Variants in MYO3B observed in about 807,000 individuals in gnomAD.
MYO3B encodes myosin IIIB.
Under a neutral mutation model 174.6 loss-of-function variants are expected in MYO3B, and 156 were observed. The observed-to-expected ratio is 0.89, with a 90% confidence interval of 0.78 to 1.02. The LOEUF (loss-of-function observed/expected upper bound fraction) is 1.02. Ranked by LOEUF, MYO3B falls within the 50% of genes least tolerant of loss-of-function variation. The pLI is 0.00. For synonymous variants in MYO3B, 563 were observed against 569.1 expected, an observed-to-expected ratio of 0.99 and a Z score of 0.15; for missense variants, 1,632 against 1,639.4, an observed-to-expected ratio of 1.00 and a Z score of 0.08.
chr2:170,498,687 TA>T lies in MYO3B; in HGVS notation c.3111del (p.Leu1038TrpfsTer16). 6.2e-7 allele frequency: 1 copy of T among 1,606,444 alleles called. No individual in the cohort carries two copies. The highest frequency in any genetic ancestry group is 8.5e-7 in the Non-Finnish European group (1 of 1,173,114). The stretch of plus-strand genomic sequence containing the variant: ...GAAAAGTCCAGATTAGATCACTGGG[TA>T]CTGGGAAAAACAAAGGTAGTTCGTT... The part of the protein sequence containing the change: ...ILEKSRLDHW[V>X]LGKTKVFLKY... On this transcript the variant is annotated frameshift_variant, in exon 26 of 35. Transcript: ENST00000408978. LOFTEE classifies it high-confidence loss of function.
chr2:170,401,593 G>A lies in MYO3B; in HGVS notation c.2031G>A (p.Ala677=), dbSNP rs376169390. Residue 677 remains alanine (A), a synonymous_variant, in exon 18 of 35, where the codon GCG becomes GCA. Transcript: ENST00000408978. ...GTGCCAACACTGTAGACAGGGCTGC[G>A]GACGTTCGAGACGCCATGTCCAAAG... ...IIRANTVDRA[A]DVRDAMSKAL... 2.0e-5 allele frequency: 32 copies of A among 1,614,098 alleles called. No individual in the cohort carries two copies. The highest frequency in any genetic ancestry group is 3.3e-5 in the Admixed American group (2 of 60,018).
chr2:170,644,778 G>A (rs1351788290), intron 32 of MYO3B: 2 of 152,386 alleles, frequency 1.3e-5, no homozygotes, highest in East Asian at 3.9e-4. Context: ...CAGTGTGACA[G>A]TTTGGGATTA....
chr2:170,459,981 C>G (rs1391879662), intron 23 of MYO3B, among the ~76,000 whole-genome samples: 1 of 152,096 alleles, frequency 6.6e-6, no homozygotes, highest in African/African-American at 2.4e-5. Context: ...GGACGCGCAG[C>G]CCTGGTTCCC....
At chr2:170,563,123 C>T (rs1575169604) in intron 32 of MYO3B, among the ~76,000 whole-genome samples, 1 of 115,700 alleles carries the variant, frequency 8.6e-6, no homozygotes, top group South Asian at 2.6e-4. Context: ...CACACATACA[C>T]ACACACACAC....
rs768225710 is a variant in MYO3B, at chr2:170,368,738, A to G, written c.816-484A>G. Among the ~76,000 whole-genome samples the G allele has an allele frequency of 2.0e-5, 3 of 152,254 alleles. No homozygotes were observed. The South Asian group carries it at 6.2e-4, about 32-fold the overall frequency. On this transcript the variant is annotated intron_variant, in intron 8 of 34. Transcript: ENST00000408978. ...CCAGCGTTTCTGTGAAGGTTTCTTT[A>G]TGATTAGTTTTTTTCCTTTTAACAC...
Position 170,200,212 on chromosome 2 carries a change from T to A in MYO3B, c.249T>A (p.Asn83Lys). 6.2e-7 allele frequency: 1 copy of A among 1,613,608 alleles called. No individual in the cohort carries two copies. The highest frequency in any genetic ancestry group is 1.1e-5 in the South Asian group (1 of 91,040). The change falls in exon 3 of 35, where the codon AAT (asparagine) becomes AAA (lysine). Residue 83 changes from asparagine to lysine, a missense_variant. Coordinates refer to ENST00000408978, the MANE Select transcript of MYO3B (RefSeq NM_138995.5). ...TGCAGTTCCTTCCTAATCATCCCAA[T>A]GTTGTAAAGTTTTATGGGATGTTTT... ...NILQFLPNHPNVVKFYGMFYK... is the reference protein window; with the variant it reads ...NILQFLPNHPKVVKFYGMFYK...
At chr2:170,218,825 A>G (rs1167087155) in intron 6 of MYO3B, among the ~76,000 whole-genome samples, 2 of 151,946 alleles carry the variant, frequency 1.3e-5, no homozygotes, top group African/African-American at 2.4e-5. Context: ...TCACTGAAAC[A>G]AAACCAAAAA....
intron 7 of MYO3B, among the ~76,000 whole-genome samples, chr2:170,245,476 T>A (rs183185702): frequency 7.9e-5 from 12 of 152,138 alleles, no homozygotes; most frequent in East Asian, 1.9e-4. Flanking sequence ...TCCTTCTGAG[T>A]GCCAGACCAA....
chr2:170,373,553 T>G (rs2094264021), intron 9 of MYO3B, among the ~76,000 whole-genome samples: 3 of 152,274 alleles, frequency 2.0e-5, no homozygotes, highest in African/African-American at 7.2e-5. Flanking sequence ...GTTGGTAGTT[T>G]GAGCAGGATG....
intron 7 of MYO3B, chr2:170,334,303 AGT>A (rs1213426658): frequency 6.6e-6 from 1 of 152,258 alleles, no homozygotes; most frequent in Non-Finnish European, 1.5e-5. Flanking sequence ...TTACGGCAGC[AGT>A]ATGCTGAAAT....
chr2:170,336,907 A>C (rs890926105), intron 8 of MYO3B, among the ~76,000 whole-genome samples: 3 of 151,914 alleles, frequency 2.0e-5, no homozygotes, highest in African/African-American at 7.3e-5. Flanking sequence ...CATGTTCCTC[A>C]GGAAAGGGGA....
intron 7 of MYO3B, among the ~76,000 whole-genome samples, chr2:170,251,398 T>G (rs2093252128): frequency 1.3e-5 from 2 of 151,938 alleles, no homozygotes. Flanking sequence ...AGGAAAATGG[T>G]TTTTATAGGT....
At chr2:170,408,253 T>G (rs1440747120) in intron 22 of MYO3B, among the ~76,000 whole-genome samples, 2 of 152,214 alleles carry the variant, frequency 1.3e-5, no homozygotes, top group African/African-American at 2.4e-5. Context: ...GTGTGTTGAA[T>G]CAGAGTTCAG....
intron 25 of MYO3B, among the ~76,000 whole-genome samples, chr2:170,493,512 T>C (rs1686627655): frequency 1.3e-5 from 2 of 152,186 alleles, no homozygotes; most frequent in African/African-American, 4.8e-5. Context: ...TTGTTATCAT[T>C]ACTAGATAGA....
chr2:170,560,732 T>C (rs1156744219), intron 32 of MYO3B, among the ~76,000 whole-genome samples: 4 of 152,290 alleles, frequency 2.6e-5, no homozygotes, highest in Non-Finnish European at 5.9e-5. Flanking sequence ...TCCCAATGGA[T>C]ACACACCCAC....
intron 32 of MYO3B, among the ~76,000 whole-genome samples, chr2:170,603,037 C>T (rs1159327668): frequency 4.6e-5 from 7 of 152,090 alleles, no homozygotes; most frequent in African/African-American, 1.7e-4. Context: ...CATTGCACTC[C>T]AGCCTGGGCA....
intron 32 of MYO3B, among the ~76,000 whole-genome samples, chr2:170,554,687 TCC>T (rs1691163883): frequency 6.6e-6 from 1 of 152,222 alleles, no homozygotes; most frequent in African/African-American, 2.4e-5. Context: ...GCTAAACTTT[TCC>T]GGTGCTTTCC....
intron 32 of MYO3B, among the ~76,000 whole-genome samples, chr2:170,552,429 A>G (rs879787742): frequency 2.0e-4 from 30 of 152,176 alleles, no homozygotes; most frequent in Admixed American, 1.6e-3. Context: ...GACTGGTGGC[A>G]TTGTGTCTCT....
At chr2:170,382,159 T>C (rs751889821) in intron 10 of MYO3B, 47 bp downstream of exon 10, 2 of 1,501,396 alleles carry the variant, frequency 1.3e-6, no homozygotes, top group East Asian at 2.3e-5. Context: ...ATTTGTTTCA[T>C]GTGAATGGTC....
Sources: allele counts gnomAD v4.1 joint callset (sites outside exome capture counted in the v4.1 genomes callset), GRCh38; gene constraint gnomAD v4.1.1; transcripts MANE v1.5; gene names NCBI Gene and HGNC (gene_info 2026-07-23, HGNC 2026-07-21).